SEMA3A: variants seen among roughly 807,000 people sequenced by gnomAD.
SEMA3A encodes semaphorin-3A.
A neutral mutation model predicts 97.9 loss-of-function variants in SEMA3A; 29 were observed. The ratio of observed to expected loss-of-function variants is 0.30; its 90% CI spans 0.22 to 0.40. The LOEUF (loss-of-function observed/expected upper bound fraction) is 0.40. Ranked by LOEUF, SEMA3A falls within the 10% of genes least tolerant of loss-of-function variation. The pLI is 1.00. For missense variants in SEMA3A, 763 were observed against 951.3 expected (o/e 0.80, Z 2.60); for synonymous variants, 321 against 323.7 (o/e 0.99, Z 0.09).
At position 84,390,297 on chromosome 7, in the gene SEMA3A, AT is replaced by A. The variant is rs761804699; in HGVS notation, c.-245-18398del. On this transcript the variant is annotated intron_variant, in intron 1 of 3. Transcript: ENST00000424555. Reference sequence around the variant, plus strand: ...ACTCCTGCACATCTGGCAGTGCAAGATTTTTTTTTTTAATTGAAAAAGCTTG... The same window carrying A: ...ACTCCTGCACATCTGGCAGTGCAAGATTTTTTTTTTAATTGAAAAAGCTTG... Among the ~76,000 whole-genome samples, 520 of 145,100 alleles carry A rather than the reference AT, an allele frequency of 3.6e-3. 5 individuals are homozygous for A. The highest frequency in any genetic ancestry group is 1.0e-2 in the African/African-American group (396 of 39,794).
intron 1 of SEMA3A, among the ~76,000 whole-genome samples, chr7:84,380,787 C>T (rs1284101338): frequency 6.6e-6 from 1 of 152,148 alleles, no homozygotes; most frequent in Non-Finnish European, 1.5e-5. Context: ...TTCCAAAGGC[C>T]TCTCTCTGGT....
intron 4 of SEMA3A, among the ~76,000 whole-genome samples, chr7:84,078,676 T>C (rs1332995877): frequency 6.6e-6 from 1 of 152,056 alleles, no homozygotes; most frequent in African/African-American, 2.4e-5. Flanking sequence ...ATTGTCATAG[T>C]ATCATAAATC....
At chr7:84,385,671 T>C (rs1803378984) in intron 1 of SEMA3A, among the ~76,000 whole-genome samples, 2 of 152,216 alleles carry the variant, frequency 1.3e-5, no homozygotes, top group Admixed American at 1.3e-4. Flanking sequence ...ACTCTTAATC[T>C]GATCTTTGCT....
chr7:84,099,921 A>G (rs1288314419), intron 4 of SEMA3A, among the ~76,000 whole-genome samples: 3 of 152,132 alleles, frequency 2.0e-5, no homozygotes, highest in African/African-American at 7.2e-5. Context: ...TCATGGCAAT[A>G]GTGGTTTTGT....
At chr7:84,031,711 C>T (rs982079108) in intron 6 of SEMA3A, among the ~76,000 whole-genome samples, 1 of 151,932 alleles carries the variant, frequency 6.6e-6, no homozygotes, top group Non-Finnish European at 1.5e-5. Flanking sequence ...TGGTGCATGC[C>T]TGTAATCTCA....
At chr7:84,178,971 G>A (rs577816355) in intron 1 of SEMA3A, among the ~76,000 whole-genome samples, 4 of 151,924 alleles carry the variant, frequency 2.6e-5, no homozygotes, top group Non-Finnish European at 2.9e-5. Context: ...CCTGCCAAAC[G>A]GTTCTTTGAT....
chr7:84,051,713 GC>G (rs1792663804), intron 5 of SEMA3A, among the ~76,000 whole-genome samples: 1 of 152,014 alleles, frequency 6.6e-6, no homozygotes, highest in Non-Finnish European at 1.5e-5. Context: ...TCTTTCTCCT[GC>G]CTAATTGCCC....
chr7:84,463,765 C>T (rs1048634905), intron 1 of SEMA3A, among the ~76,000 whole-genome samples: 3 of 152,036 alleles, frequency 2.0e-5, no homozygotes, highest in Non-Finnish European at 2.9e-5. Context: ...ACTATCCTGC[C>T]GTTCCTCCTT....
At chr7:84,306,584 T>G (rs1245875596) in intron 3 of SEMA3A, 1 of 152,162 alleles carries the variant, frequency 6.6e-6, no homozygotes, top group African/African-American at 2.4e-5. Flanking sequence ...TCTTCCTACT[T>G]TATACAATGA....
intron 1 of SEMA3A, among the ~76,000 whole-genome samples, chr7:84,186,405 A>C (rs1425597482): frequency 1.3e-5 from 2 of 152,188 alleles, no homozygotes; most frequent in Non-Finnish European, 2.9e-5. Flanking sequence ...AAGTTTGCAG[A>C]ACTTATGAAA....
intron 12 of SEMA3A, among the ~76,000 whole-genome samples, chr7:83,988,069 G>A (rs1789711285): frequency 6.6e-6 from 1 of 151,982 alleles, no homozygotes; most frequent in Non-Finnish European, 1.5e-5. Context: ...TTATGCCTTG[G>A]AATTCTTTAT....
chr7:84,285,099 G>GTGT (rs1466564238), intron 3 of SEMA3A, among the ~76,000 whole-genome samples: 1 of 151,898 alleles, frequency 6.6e-6, no homozygotes, highest in Non-Finnish European at 1.5e-5. Context: ...TTTATTATTT[G>GTGT]TGTTGTGGTG....
intron 1 of SEMA3A, among the ~76,000 whole-genome samples, chr7:84,474,344 G>A (rs777032062): frequency 4.6e-5 from 7 of 152,158 alleles, no homozygotes; most frequent in Non-Finnish European, 1.0e-4. Flanking sequence ...CCTAAGACAG[G>A]TTGTTTCCCA....
chr7:84,263,376 T>G (rs1799907061), intron 3 of SEMA3A, among the ~76,000 whole-genome samples: 1 of 152,156 alleles, frequency 6.6e-6, no homozygotes, highest in Non-Finnish European at 1.5e-5. Context: ...AGCAAAAAAA[T>G]CTGTTTTTAA....
At chr7:84,062,091 C>T (rs1375957703) in intron 4 of SEMA3A, among the ~76,000 whole-genome samples, 3 of 152,264 alleles carry the variant, frequency 2.0e-5, no homozygotes, top group Non-Finnish European at 4.4e-5. Context: ...TTATTTAAAA[C>T]ATTTTAAAAG....
rs116964793 is a variant in SEMA3A at position 83,967,086 on chromosome 7, C to T, written c.1718-3739G>A. Among the ~76,000 whole-genome samples the T allele has an allele frequency of 3.5e-3, 527 of 152,302 alleles. 10 individuals carry two copies. The East Asian group carries it at 0.061, about 18-fold the overall frequency. The stretch of plus-strand genomic sequence containing the variant: ...AGGATGTTTCTACCATCAGCAGCTT[C>T]TGACTTAGGAACAGAACTTTTATTT... On this transcript the variant is annotated intron_variant, in intron 15 of 16. Transcript: ENST00000265362.
chr7:84,157,672 T>A (rs62476999), intron 1 of SEMA3A, among the ~76,000 whole-genome samples: 30,534 of 152,162 alleles, frequency 0.2, 3,793 homozygotes, highest in Non-Finnish European at 0.27. Flanking sequence ...GTTGTAATTA[T>A]CCAAATTTGG....
intron 6 of SEMA3A, among the ~76,000 whole-genome samples, chr7:84,046,013 A>C (rs1283934388): frequency 1.3e-5 from 2 of 151,192 alleles, no homozygotes; most frequent in South Asian, 4.1e-4. Flanking sequence ...TGGTGTCCCC[A>C]TAAGACAGAA....
At chr7:84,118,814 T>C (rs1795511662) in intron 3 of SEMA3A, among the ~76,000 whole-genome samples, 1 of 152,194 alleles carries the variant, frequency 6.6e-6, no homozygotes, top group South Asian at 2.1e-4. Context: ...CCACTACCTG[T>C]CTCAGGCAGT....
Sources: gnomAD v4.1 joint callset for allele counts (sites outside exome capture counted in the v4.1 genomes callset) on GRCh38, gnomAD v4.1.1 for gene constraint, MANE v1.5 for transcripts, NCBI Gene and HGNC (gene_info 2026-07-23, HGNC 2026-07-21) for gene names.